Variants in RELN observed in about 807,000 individuals in gnomAD.
RELN encodes reelin.
Under a neutral mutation model 427.6 loss-of-function variants are expected in RELN, and 108 were observed. The observed-to-expected ratio is 0.25, with a 90% CI of 0.22 to 0.30. The LOEUF (loss-of-function observed/expected upper bound fraction) is 0.30, where lower values mean the gene tolerates loss of function less well. RELN is among the 10% of genes least tolerant of loss of function. RELN has a pLI of 1.00. For synonymous variants in RELN, 1,524 were observed against 1,513.4 expected, an observed-to-expected ratio of 1.01 and a Z score of -0.16; for missense variants, 3,715 against 4,302.8, an observed-to-expected ratio of 0.86 and a Z score of 3.82.
intron 41 of RELN, among the ~76,000 whole-genome samples, chr7:103,546,589 T>G (rs559971439): frequency 6.6e-6 from 1 of 152,338 alleles, no homozygotes; most frequent in African/African-American, 2.4e-5. Context: ...TTCCATAATT[T>G]TGATGGAATT....
intron 1 of RELN, among the ~76,000 whole-genome samples, chr7:103,938,157 C>A (rs988217797): frequency 1.3e-5 from 2 of 152,030 alleles, no homozygotes; most frequent in African/African-American, 4.8e-5. Flanking sequence ...CCTGTCTCTA[C>A]TAAAAATACA....
intron 18 of RELN, 116 bp downstream of exon 18, chr7:103,636,119 C>T (rs1319071355): frequency 1.3e-6 from 1 of 788,034 alleles, no homozygotes; most frequent in Admixed American, 2.0e-5. Flanking sequence ...TCCCTCCAAC[C>T]CTAGTTAAAA....
Position 103,594,587 on chromosome 7 carries a change from GTT to G in RELN, c.3540-97_3540-96del, listed in dbSNP as rs1394577292. On this transcript the variant is annotated intron_variant, in intron 25 of 64. Coordinates refer to ENST00000428762, the MANE Select transcript of RELN (RefSeq NM_005045.4). ...CAACAAGGGTAACAACAAGAGAAAA[GTT>G]TTGTTTGGTTTGATCTCAATATTTT... The G allele has an allele frequency of 2.3e-6, 3 of 1,303,332 alleles. No homozygotes were observed. In the East Asian group the frequency reaches 7.0e-5, roughly 30 times the overall value. The allele number at this position is 1,303,332 out of a possible 1,614,324, so 80.7% of individuals were successfully genotyped here. A position where few individuals can be genotyped will look rare whatever the true frequency, so the allele number is the denominator to read the frequency against.
chr7:103,484,681 C>A (rs1828367048), intron 61 of RELN: 1 of 152,218 alleles, frequency 6.6e-6, no homozygotes, highest in Non-Finnish European at 1.5e-5. Flanking sequence ...ATCCTCTTTT[C>A]ATGATGTTGG....
chr7:103,637,884 A>G (rs1255212938), intron 17 of RELN, among the ~76,000 whole-genome samples: 1 of 152,168 alleles, frequency 6.6e-6, no homozygotes, highest in Non-Finnish European at 1.5e-5. Flanking sequence ...TTTTAGGGCA[A>G]TTACATTTTT....
chr7:103,511,492 G>GAAAGT (rs1262791745), intron 50 of RELN, among the ~76,000 whole-genome samples: 2 of 151,972 alleles, frequency 1.3e-5, no homozygotes, highest in African/African-American at 4.8e-5. Context: ...CTCACATTCT[G>GAAAGT]AAAGTATTAT....
intron 51 of RELN, 58 bp downstream of exon 51, chr7:103,510,793 T>C: frequency 7.3e-7 from 1 of 1,373,336 alleles, no homozygotes; most frequent in Non-Finnish European, 1.0e-6. Flanking sequence ...TTCTCTGATA[T>C]TTTTTGTTAT....
chr7:103,938,766 C>T (rs566778818), intron 1 of RELN, among the ~76,000 whole-genome samples: 2 of 152,216 alleles, frequency 1.3e-5, no homozygotes, highest in South Asian at 4.1e-4. Flanking sequence ...TTAGATATGT[C>T]AATTAAGACT....
chr7:103,542,909 T>A (rs1830205046), intron 42 of RELN, 31 bp from the exon 43 acceptor site: 8 of 1,608,132 alleles, frequency 5.0e-6, no homozygotes, highest in Non-Finnish European at 6.8e-6. Context: ...GGTTTACCTA[T>A]GACCCCAACT....
intron 28 of RELN, among the ~76,000 whole-genome samples, chr7:103,581,097 A>G (rs554956860): frequency 6.6e-6 from 1 of 152,302 alleles, no homozygotes; most frequent in Admixed American, 6.5e-5. Context: ...AGATGTTCTC[A>G]GGGGGTGAAG....
intron 2 of RELN, among the ~76,000 whole-genome samples, chr7:103,840,899 TTAAC>T (rs1216334198): frequency 2.0e-5 from 3 of 152,188 alleles, no homozygotes; most frequent in African/African-American, 4.8e-5. Flanking sequence ...AAACAATAAT[TTAAC>T]TATGCTTTTT....
At chr7:103,529,760 T>C (rs1238546029) in intron 46 of RELN, among the ~76,000 whole-genome samples, 1 of 152,198 alleles carries the variant, frequency 6.6e-6, no homozygotes, top group African/African-American at 2.4e-5. Context: ...CCAGACAAAC[T>C]GTATTTATTT....
At chr7:103,782,489 C>T (rs1563010428) in intron 3 of RELN, among the ~76,000 whole-genome samples, 1 of 152,064 alleles carries the variant, frequency 6.6e-6, no homozygotes, top group Non-Finnish European at 1.5e-5. Context: ...TATTAATATT[C>T]ACTCTTAAAT....
chr7:103,718,286 AAT>A (rs1372366648), intron 8 of RELN, among the ~76,000 whole-genome samples: 2 of 151,442 alleles, frequency 1.3e-5, no homozygotes. Context: ...TTTATGATTT[AAT>A]GACTTCCTTC....
intron 3 of RELN, among the ~76,000 whole-genome samples, chr7:103,810,291 T>C (rs1046197456): frequency 1.3e-5 from 2 of 152,174 alleles, no homozygotes; most frequent in African/African-American, 4.8e-5. Context: ...CAATTACTTA[T>C]TAAGCTACTA....
chr7:103,804,314 T>A (rs1792543662), intron 3 of RELN, among the ~76,000 whole-genome samples: 1 of 152,064 alleles, frequency 6.6e-6, no homozygotes, highest in African/African-American at 2.4e-5. Flanking sequence ...TGAGGATAAA[T>A]CCCAAATGTT....
At chr7:103,967,773 A>T (rs1291701366) in intron 1 of RELN, among the ~76,000 whole-genome samples, 2 of 152,190 alleles carry the variant, frequency 1.3e-5, no homozygotes, top group Non-Finnish European at 2.9e-5. Flanking sequence ...ACCTTTGCTT[A>T]TGCCACACTC....
chr7:103,589,799 G>A lies in RELN; in HGVS notation c.3942C>T (p.Ser1314=). The stretch of plus-strand genomic sequence containing the variant: ...ACTGAAGAAGAACTGGAGCAGTACT[G>A]CTGAATTGATTGGCACAACCTATGT... ...KLNIGCANQF[S]STAPVLLQYS... Residue 1314 remains serine, a synonymous_variant, in exon 28 of 65, where the codon AGC becomes AGT. Transcript: ENST00000428762. 6.2e-7 allele frequency: 1 copy of A among 1,609,150 alleles called. No homozygotes were observed. The highest frequency in any genetic ancestry group is 1.1e-5 in the South Asian group (1 of 90,970).
At chr7:103,566,160 C>G (rs1830745808) in intron 33 of RELN, 64 bp downstream of exon 33, 1 of 1,419,646 alleles carries the variant, frequency 7.0e-7, no homozygotes, top group South Asian at 1.2e-5. Context: ...TTTCTCCTGA[C>G]TTTTAGTTAA....
Sources: allele counts gnomAD v4.1 joint callset (sites outside exome capture counted in the v4.1 genomes callset), GRCh38; gene constraint gnomAD v4.1.1; transcripts MANE v1.5; gene names NCBI Gene and HGNC (gene_info 2026-07-23, HGNC 2026-07-21).